The following FOXP2 variants were observed in gnomAD, a reference collection of about 807,000 sequenced individuals.
FOXP2 encodes forkhead box protein P2.
A neutral mutation model predicts 115.8 loss-of-function variants in FOXP2; 12 were observed. The ratio of observed to expected loss-of-function variants is 0.10; its 90% CI spans 0.07 to 0.17. The LOEUF (loss-of-function observed/expected upper bound fraction) is 0.17. Ranked by LOEUF, FOXP2 falls within the 10% of genes least tolerant of loss-of-function variation. The pLI is 1.00. For missense variants in FOXP2, 629 were observed against 843.5 expected, an observed-to-expected ratio of 0.75 and a Z score of 3.15; for synonymous variants, 328 against 297.7, an observed-to-expected ratio of 1.10 and a Z score of -1.05.
intron 8 of FOXP2, among the ~76,000 whole-genome samples, chr7:114,650,640 T>C (rs1010891722): frequency 1.3e-5 from 2 of 152,002 alleles, no homozygotes; most frequent in Non-Finnish European, 1.5e-5. Context: ...ATTCCATACC[T>C]CCTTCCCAGA....
At chr7:114,575,756 C>G (rs1026283560) in intron 3 of FOXP2, among the ~76,000 whole-genome samples, 10 of 151,872 alleles carry the variant, frequency 6.6e-5, no homozygotes, top group African/African-American at 2.4e-4. Context: ...ATTGCCTCTA[C>G]TTTTTTCTTC....
chr7:114,210,721 G>A (rs1749145959), intron 1 of FOXP2, among the ~76,000 whole-genome samples: 2 of 152,150 alleles, frequency 1.3e-5, no homozygotes, highest in African/African-American at 4.8e-5. Context: ...TGGTCTGTTT[G>A]TATTCTCCAA....
chr7:114,176,181 CTTGTCT>C (rs1348330812), intron 1 of FOXP2, among the ~76,000 whole-genome samples: 2 of 5,150 alleles, frequency 3.9e-4, no homozygotes, highest in Non-Finnish European at 1.9e-3. Flanking sequence ...TTTCTCTTTT[CTTGTCT>C]TGTCTTGTCT....
chr7:114,088,972 G>C (rs1039162968), intron 1 of FOXP2, among the ~76,000 whole-genome samples: 3 of 152,074 alleles, frequency 2.0e-5, no homozygotes, highest in Non-Finnish European at 4.4e-5. Flanking sequence ...TATATTAAAA[G>C]AGTGGGTATA....
intron 16 of FOXP2, among the ~76,000 whole-genome samples, chr7:114,681,672 T>G (rs1387501797): frequency 2.6e-5 from 4 of 152,202 alleles, no homozygotes; most frequent in Admixed American, 2.6e-4. Context: ...GCCATTTAGC[T>G]TAGTATTTTA....
At chr7:114,491,797 GC>G (rs1223977914) in intron 2 of FOXP2, among the ~76,000 whole-genome samples, 3 of 152,228 alleles carry the variant, frequency 2.0e-5, no homozygotes, top group African/African-American at 7.2e-5. Flanking sequence ...TTGATGTGCT[GC>G]TGGATTCGGT....
At chr7:114,291,779 C>T (rs1406435185) in intron 2 of FOXP2, among the ~76,000 whole-genome samples, 1 of 148,872 alleles carries the variant, frequency 6.7e-6, no homozygotes, top group Admixed American at 6.9e-5. Context: ...AGTCTTGCTA[C>T]TTTAAAGCCA....
At chr7:114,271,465 A>G (rs1177520636) in intron 1 of FOXP2, among the ~76,000 whole-genome samples, 1 of 138,992 alleles carries the variant, frequency 7.2e-6, no homozygotes, top group African/African-American at 2.7e-5. Context: ...TTCCTGGTTT[A>G]CTGAGAGGAT....
chr7:114,504,833 T>C (rs1047174758), intron 2 of FOXP2, among the ~76,000 whole-genome samples: 7 of 151,636 alleles, frequency 4.6e-5, no homozygotes, highest in Non-Finnish European at 7.4e-5. Flanking sequence ...CCCTATCACA[T>C]AGAGATTAAA....
intron 3 of FOXP2, among the ~76,000 whole-genome samples, chr7:114,570,217 A>G (rs1801222040): frequency 6.6e-6 from 1 of 151,924 alleles, no homozygotes; most frequent in Non-Finnish European, 1.5e-5. Context: ...ACAATTCAAC[A>G]GGTTTTAACA....
intron 2 of FOXP2, among the ~76,000 whole-genome samples, chr7:114,469,678 A>G (rs1425473464): frequency 1.3e-5 from 2 of 152,192 alleles, no homozygotes; most frequent in Non-Finnish European, 2.9e-5. Flanking sequence ...AAGATTATAG[A>G]AAGTGTGTAA....
intron 2 of FOXP2, among the ~76,000 whole-genome samples, chr7:114,356,602 G>C (rs1211655402): frequency 6.6e-6 from 1 of 152,098 alleles, no homozygotes; most frequent in Non-Finnish European, 1.5e-5. Flanking sequence ...TCAAAAGCTT[G>C]GGTTCAAAAT....
chr7:114,127,166 G>A (rs548145680), intron 1 of FOXP2, among the ~76,000 whole-genome samples: 1 of 152,276 alleles, frequency 6.6e-6, no homozygotes, highest in East Asian at 1.9e-4. Context: ...TGTTGGATAA[G>A]TCCCCGTTTA....
chr7:114,250,254 A>C (rs532139818), intron 1 of FOXP2, among the ~76,000 whole-genome samples: 3 of 152,266 alleles, frequency 2.0e-5, no homozygotes, highest in Admixed American at 6.5e-5. Context: ...CACAGTAAAC[A>C]TACGTGGGCA....
At chr7:114,385,254 C>T (rs529875477) in intron 2 of FOXP2, among the ~76,000 whole-genome samples, 2 of 152,194 alleles carry the variant, frequency 1.3e-5, no homozygotes, top group East Asian at 3.9e-4. Context: ...TTCGGAGATA[C>T]AACTTGCTAG....
intron 2 of FOXP2, among the ~76,000 whole-genome samples, chr7:114,431,571 TA>T (rs1219113276): frequency 6.6e-6 from 1 of 151,962 alleles, no homozygotes; most frequent in African/African-American, 2.4e-5. Context: ...AAGTTCACAT[TA>T]TTTTATATTC....
intron 2 of FOXP2, among the ~76,000 whole-genome samples, chr7:114,399,162 C>T (rs1471044040): frequency 4.1e-5 from 6 of 147,618 alleles, no homozygotes; most frequent in African/African-American, 1.0e-4. Context: ...GGCTGAAGGG[C>T]GGTGGTGCCA....
chr7:114,435,288 G>C (rs1794291223), intron 2 of FOXP2, among the ~76,000 whole-genome samples: 1 of 152,148 alleles, frequency 6.6e-6, no homozygotes, highest in African/African-American at 2.4e-5. Flanking sequence ...AAGGTTTTAG[G>C]AAGGGCATTT....
intron 2 of FOXP2, among the ~76,000 whole-genome samples, chr7:114,349,808 T>G (rs1010337094): frequency 2.6e-5 from 4 of 152,050 alleles, no homozygotes; most frequent in African/African-American, 9.7e-5. Flanking sequence ...ATTAATTAAG[T>G]CAATTAGTGT....
Sources: gnomAD v4.1 joint callset for allele counts (sites outside exome capture counted in the v4.1 genomes callset) on GRCh38, gnomAD v4.1.1 for gene constraint, MANE v1.5 for transcripts, NCBI Gene and HGNC (gene_info 2026-07-23, HGNC 2026-07-21) for gene names.